SPIDR: variants seen among roughly 807,000 people sequenced by gnomAD.
The protein encoded by SPIDR is DNA repair-scaffolding protein.
SPIDR carries 93 observed loss-of-function variants against 104.6 expected under a neutral mutation model. The ratio of observed to expected loss-of-function variants is 0.89; its 90% CI spans 0.75 to 1.06. The LOEUF (loss-of-function observed/expected upper bound fraction) is 1.06. Among genes scored for constraint, SPIDR ranks in the 50% least tolerant of loss-of-function variants. The probability of loss-of-function intolerance (pLI) is 0.00; values close to 1 mark genes in which losing one functional copy is unlikely to be tolerated. For synonymous variants in SPIDR, 431 were observed against 416.9 expected, an observed-to-expected ratio of 1.03 and a Z score of -0.41; for missense variants, 1,154 against 1,111.2, an observed-to-expected ratio of 1.04 and a Z score of -0.55.
At chr8:47,663,270 A>T (rs927106054) in intron 10 of SPIDR, among the ~76,000 whole-genome samples, 1 of 152,124 alleles carries the variant, frequency 6.6e-6, no homozygotes, top group Non-Finnish European at 1.5e-5. Flanking sequence ...CCCCAGTGCT[A>T]TCTCTCACAG....
chr8:47,728,789 G>A (rs2084725755), intron 17 of SPIDR, 144 bp from the exon 18 acceptor site: 1 of 870,738 alleles, frequency 1.1e-6, no homozygotes, highest in African/African-American at 1.7e-5. Context: ...GCAGCTGCAG[G>A]CCTCTCTCAG....
intron 7 of SPIDR, among the ~76,000 whole-genome samples, chr8:47,413,342 G>A (rs2063791115): frequency 6.6e-6 from 1 of 152,236 alleles, no homozygotes; most frequent in South Asian, 2.1e-4. Flanking sequence ...CCTAGAGGAG[G>A]GAGGTGACTT....
At chr8:47,496,883 T>C (rs1321640394) in intron 8 of SPIDR, among the ~76,000 whole-genome samples, 2 of 152,106 alleles carry the variant, frequency 1.3e-5, no homozygotes, top group East Asian at 1.9e-4. Context: ...TCTTTATTTG[T>C]AATAGATTTA....
chr8:47,632,274 CT>C (rs1203488726), intron 10 of SPIDR, among the ~76,000 whole-genome samples: 1 of 152,148 alleles, frequency 6.6e-6, no homozygotes, highest in East Asian at 1.9e-4. Flanking sequence ...AAAGTTTCGC[CT>C]ACTCTGAAAT....
chr8:47,503,851 A>G (rs1350553696), intron 8 of SPIDR, among the ~76,000 whole-genome samples: 1 of 152,032 alleles, frequency 6.6e-6, no homozygotes, highest in East Asian at 1.9e-4. Flanking sequence ...ATCTCTCAGC[A>G]TTTGTTTGTC....
At chr8:47,521,966 C>G (rs1466997284) in intron 8 of SPIDR, among the ~76,000 whole-genome samples, 1 of 151,292 alleles carries the variant, frequency 6.6e-6, no homozygotes, top group Admixed American at 6.6e-5. Flanking sequence ...GAGTTCGAGA[C>G]CAGCCTGGCC....
At chr8:47,454,174 G>A (rs185179376) in intron 8 of SPIDR, among the ~76,000 whole-genome samples, 9 of 152,082 alleles carry the variant, frequency 5.9e-5, no homozygotes, top group African/African-American at 1.4e-4. Flanking sequence ...AGACACATGC[G>A]CATGTACGTT....
chr8:47,357,942 C>T, intron 5 of SPIDR: 1 of 795,434 alleles, frequency 1.3e-6, no homozygotes, highest in Non-Finnish European at 1.5e-6. Context: ...TGCATGTAGT[C>T]ACGAATATAT....
chr8:47,735,462 G>A lies in SPIDR; in HGVS notation c.*12G>A. ...CTGCAGAACACTAGCGGTTGCCGCA[G>A]GATCTGTGAACTTTGCAATGTGGCT... On this transcript the variant is annotated 3_prime_UTR_variant, in exon 20 of 20. Transcript: ENST00000297423. The A allele has an allele frequency of 6.2e-7, 1 of 1,613,558 alleles. No individual in the cohort carries two copies. Among genetic ancestry groups the A allele is most frequent in the African/African-American group, 1.3e-5 (1 of 75,030 alleles).
chr8:47,328,287 C>G (rs1160388124), intron 5 of SPIDR, among the ~76,000 whole-genome samples: 1 of 151,604 alleles, frequency 6.6e-6, no homozygotes, highest in African/African-American at 2.4e-5. Flanking sequence ...GAGATAAAGT[C>G]TTGCTCTGTC....
chr8:47,494,250 T>C (rs989192109), intron 8 of SPIDR, among the ~76,000 whole-genome samples: 1 of 150,212 alleles, frequency 6.7e-6, no homozygotes. Flanking sequence ...AGCCTCCTAA[T>C]TAGCTGGGAC....
intron 8 of SPIDR, among the ~76,000 whole-genome samples, chr8:47,472,390 G>C (rs1203958698): frequency 6.6e-6 from 1 of 152,190 alleles, no homozygotes; most frequent in African/African-American, 2.4e-5. Flanking sequence ...CCACTGATGA[G>C]GTGGCCACAG....
rs150540977 is a variant in SPIDR, at chr8:47,405,322, G to A, written c.777-2539G>A. The stretch of plus-strand genomic sequence containing the variant: ...TGTGTGTGTGTGTGTGTGTGTGTGT[G>A]TATATATGTGTGTGTGTATATATAT... On this transcript the variant is annotated intron_variant, in intron 6 of 19. Transcript: ENST00000297423. Among the ~76,000 whole-genome samples the A allele has an allele frequency of 6.0e-3, 887 of 148,020 alleles. 11 individuals are homozygous for A. The highest frequency in any genetic ancestry group is 7.6e-3 in the Non-Finnish European group (511 of 67,136).
chr8:47,559,587 G>C (rs766170555), intron 8 of SPIDR, among the ~76,000 whole-genome samples: 6 of 152,166 alleles, frequency 3.9e-5, no homozygotes, highest in Admixed American at 3.3e-4. Flanking sequence ...CTGATAATTC[G>C]TGGGGCCTTT....
chr8:47,541,147 A>C (rs1441517607), intron 8 of SPIDR, among the ~76,000 whole-genome samples: 1 of 152,260 alleles, frequency 6.6e-6, no homozygotes, highest in African/African-American at 2.4e-5. Flanking sequence ...GGCACGAGCC[A>C]CTGCGCCCAA....
At position 47,462,833 on chromosome 8, in the gene SPIDR, A is replaced by G. The variant is rs369194524; in HGVS notation, c.1097+22291A>G. On this transcript the variant is annotated intron_variant, in intron 8 of 19. Coordinates refer to ENST00000297423, the MANE Select transcript of SPIDR (RefSeq NM_001080394.4). ...AATAGACCAAACTTTAGCTAGATTG[A>G]CCACGAAAAAACTGGTCAAATTACT... Among the ~76,000 whole-genome samples, 589 of 152,280 alleles carry G rather than the reference A, an allele frequency of 3.9e-3. 3 individuals are homozygous for G. The highest frequency in any genetic ancestry group is 0.022 in the South Asian group (107 of 4,824).
At chr8:47,507,228 G>T (rs1489401273) in intron 8 of SPIDR, among the ~76,000 whole-genome samples, 1 of 152,206 alleles carries the variant, frequency 6.6e-6, no homozygotes, top group Non-Finnish European at 1.5e-5. Context: ...TGTGAGTAGA[G>T]GCTTGTACTG....
intron 8 of SPIDR, among the ~76,000 whole-genome samples, chr8:47,476,632 C>T (rs996399353): frequency 3.9e-5 from 6 of 151,986 alleles, no homozygotes; most frequent in African/African-American, 9.7e-5. Context: ...CAACCCAGTC[C>T]TTCTGATTCT....
At chr8:47,572,551 A>G (rs1490287726) in intron 8 of SPIDR, among the ~76,000 whole-genome samples, 1 of 151,926 alleles carries the variant, frequency 6.6e-6, no homozygotes, top group Non-Finnish European at 1.5e-5. Flanking sequence ...AGTCCCAGCT[A>G]CTCGGGAGGC....
Sources: allele counts gnomAD v4.1 joint callset (sites outside exome capture counted in the v4.1 genomes callset), GRCh38; gene constraint gnomAD v4.1.1; transcripts MANE v1.5; gene names NCBI Gene and HGNC (gene_info 2026-07-23, HGNC 2026-07-21).